ARV1: variants seen among roughly 807,000 people sequenced by gnomAD.
ARV1 encodes protein ARV1.
A neutral mutation model predicts 31.1 loss-of-function variants in ARV1; 26 were observed. The ratio of observed to expected loss-of-function variants is 0.84; its 90% CI spans 0.61 to 1.16. ARV1 has a LOEUF of 1.16. Among genes scored for constraint, ARV1 ranks in the 50% most tolerant of loss-of-function variants. The pLI is 0.00. For synonymous variants in ARV1, 117 were observed against 123.2 expected (o/e 0.95, Z 0.34); for missense variants, 281 against 324.9 (o/e 0.86, Z 1.04).
At chr1:230,982,812 A>T (rs529659305) in intron 1 of ARV1, among the ~76,000 whole-genome samples, 2 of 152,336 alleles carry the variant, frequency 1.3e-5, no homozygotes, top group African/African-American at 4.8e-5. Context: ...AGATACAAAA[A>T]GTAAGAAGTT....
At position 230,997,242 on chromosome 1, in the gene ARV1, C is replaced by T. The variant is rs750923502; in HGVS notation, c.795C>T (p.Ile265=). The change falls in exon 5 of 6, where the codon ATC becomes ATT. Residue 265 remains isoleucine, a synonymous_variant. Transcript: ENST00000310256. ...GGGATGTTGGAAGTGATTATGCCAT[C>T]TTTAAATCTCAGGACTTCTGAAGAG... ...MEWDVGSDYA[I]FKSQDF is the part of the protein sequence containing the mutation. 15 of 1,614,016 alleles carry T rather than the reference C, an allele frequency of 9.3e-6. No homozygotes were observed. Among genetic ancestry groups the T allele is most frequent in the Non-Finnish European group, 1.3e-5 (15 of 1,179,924 alleles).
rs1191353620 is a variant in ARV1, at chr1:230,984,363, C to CGCGCGTGCGT, written c.175-3956_175-3955insCGCGTGCGTG. Among the ~76,000 whole-genome samples the CGCGCGTGCGT allele has an allele frequency of 3.3e-3, 422 of 129,834 alleles. 4 individuals are homozygous for CGCGCGTGCGT. The highest frequency in any genetic ancestry group is 0.011 in the African/African-American group (388 of 35,174). The allele number at this position is 129,834 out of a possible 152,430, so 85.2% of individuals were successfully genotyped here. A position where few individuals can be genotyped will look rare whatever the true frequency, so the allele number is the denominator to read the frequency against. On this transcript the variant is annotated intron_variant, in intron 1 of 5. Coordinates refer to ENST00000310256, the MANE Select transcript of ARV1 (RefSeq NM_022786.3). Reference sequence around the variant, plus strand: ...TGTTTCGTGTGTGTGTGTGTGTGTGCGTGTGTGTGTGTGTGTGTGTGTGTG... The same window carrying CGCGCGTGCGT: ...TGTTTCGTGTGTGTGTGTGTGTGTGCGCGCGTGCGTGTGTGTGTGTGTGTGTGTGTGTGTG...
At chr1:230,986,947 A>G (rs988018615) in intron 1 of ARV1, among the ~76,000 whole-genome samples, 5 of 152,134 alleles carry the variant, frequency 3.3e-5, no homozygotes, top group African/African-American at 1.2e-4. Context: ...CACAGGTAGA[A>G]GATTCATTCT....
At chr1:230,993,754 G>A (rs528886845) in intron 3 of ARV1, among the ~76,000 whole-genome samples, 1 of 152,212 alleles carries the variant, frequency 6.6e-6, no homozygotes, top group South Asian at 2.1e-4. Flanking sequence ...AATTAGCTGG[G>A]CATGGTGGCA....
intron 1 of ARV1, among the ~76,000 whole-genome samples, chr1:230,987,674 A>T (rs1224022218): frequency 6.6e-6 from 1 of 152,168 alleles, no homozygotes; most frequent in Non-Finnish European, 1.5e-5. Context: ...CACTCTCCAG[A>T]CTGTACAGAC....
At chr1:230,984,125 C>A (rs1678983734) in intron 1 of ARV1, among the ~76,000 whole-genome samples, 1 of 152,128 alleles carries the variant, frequency 6.6e-6, no homozygotes, top group East Asian at 1.9e-4. Flanking sequence ...TGGCACGCGC[C>A]TGTAGCCCCA....
At chr1:230,996,023 C>T (rs1400936525) in intron 4 of ARV1, 39 bp downstream of exon 4, 1 of 1,554,504 alleles carries the variant, frequency 6.4e-7, no homozygotes, top group Admixed American at 1.8e-5. Flanking sequence ...CAGTTTTCAA[C>T]CCATAAAAAG....
chr1:230,999,115 G>C (rs188312048), intron 5 of ARV1, among the ~76,000 whole-genome samples: 1 of 152,032 alleles, frequency 6.6e-6, no homozygotes, highest in African/African-American at 2.4e-5. Flanking sequence ...CACTGTGCAC[G>C]TAACTGTGTA....
intron 1 of ARV1, among the ~76,000 whole-genome samples, chr1:230,982,663 T>C (rs970642014): frequency 1.3e-5 from 2 of 152,248 alleles, no homozygotes; most frequent in Admixed American, 6.5e-5. Flanking sequence ...GAGTGTCTAA[T>C]GGCCTTGTCG....
rs1429820793 is a variant in ARV1, at chr1:230,997,120, G to C, written c.674-1G>C. On this transcript the variant is annotated splice_acceptor_variant, in intron 4 of 5. Coordinates refer to ENST00000310256, the MANE Select transcript of ARV1 (RefSeq NM_022786.3). LOFTEE classifies it high-confidence loss of function. ...CTTATTGGCTGCCTTCTCCTTTCCA[G>C]TGACCCTAAACATCAACCGTAAGCT... 1 of 1,613,184 alleles carries C rather than the reference G, an allele frequency of 6.2e-7. No homozygotes were observed. Among genetic ancestry groups the C allele is most frequent in the Non-Finnish European group, 8.5e-7 (1 of 1,179,724 alleles).
chr1:230,985,644 G>A (rs923656496), intron 1 of ARV1, among the ~76,000 whole-genome samples: 5 of 152,116 alleles, frequency 3.3e-5, no homozygotes, highest in African/African-American at 1.2e-4. Flanking sequence ...GTCCAAAAAC[G>A]GGTTTTAGAG....
At chr1:230,986,279 C>T (rs986319345) in intron 1 of ARV1, among the ~76,000 whole-genome samples, 3 of 151,958 alleles carry the variant, frequency 2.0e-5, no homozygotes, top group South Asian at 4.1e-4. Flanking sequence ...TTGGATCACT[C>T]GGTAACTGGA....
chr1:230,990,859 CTG>C (rs749186818), intron 3 of ARV1, among the ~76,000 whole-genome samples: 3 of 152,184 alleles, frequency 2.0e-5, no homozygotes, highest in Non-Finnish European at 4.4e-5. Context: ...GTGTGAGCCA[CTG>C]TGCCTGGCCA....
chr1:230,993,034 G>T (rs1208349440), intron 3 of ARV1, among the ~76,000 whole-genome samples: 3 of 152,118 alleles, frequency 2.0e-5, no homozygotes, highest in Non-Finnish European at 4.4e-5. Context: ...TCTAGCCCAA[G>T]AACTAGAACC....
intron 4 of ARV1, 57 bp downstream of exon 4, chr1:230,996,041 C>G (rs1679356401): frequency 2.0e-6 from 3 of 1,478,584 alleles, no homozygotes; most frequent in East Asian, 4.5e-5. Flanking sequence ...AAGCTTAAAG[C>G]CTTGTTTCTG....
At chr1:230,982,103 C>G (rs888614732) in intron 1 of ARV1, among the ~76,000 whole-genome samples, 1 of 152,236 alleles carries the variant, frequency 6.6e-6, no homozygotes, top group African/African-American at 2.4e-5. Flanking sequence ...CAGACATTCT[C>G]TCTGTTTTAT....
At chr1:230,980,602 G>T (rs1678863182) in intron 1 of ARV1, among the ~76,000 whole-genome samples, 1 of 152,070 alleles carries the variant, frequency 6.6e-6, no homozygotes, top group African/African-American at 2.4e-5. Flanking sequence ...CCAAAGTGCT[G>T]GGGTTACAGG....
chr1:230,995,855 G>T lies in ARV1; in HGVS notation c.544G>T (p.Ala182Ser), dbSNP rs757948594. 11 of 1,613,956 alleles carry T rather than the reference G, an allele frequency of 6.8e-6. No individual in the cohort carries two copies. Among genetic ancestry groups the T allele is most frequent in the Admixed American group, 1.7e-5 (1 of 60,002 alleles). The change falls in exon 4 of 6, where the codon GCA becomes TCA. Residue 182 changes from alanine to serine, a missense_variant. Transcript: ENST00000310256. ...KKPNFILLLKALLLSSYGKLL... is the reference protein window; with the variant it reads ...KKPNFILLLKSLLLSSYGKLL... The stretch of plus-strand genomic sequence containing the variant: ...GCCCAACTTCATTTTGCTGCTGAAA[G>T]CATTATTATTATCTAGCTACGGAAA...
intron 1 of ARV1, among the ~76,000 whole-genome samples, chr1:230,981,966 C>T (rs936621985): frequency 6.6e-6 from 1 of 152,178 alleles, no homozygotes; most frequent in African/African-American, 2.4e-5. Context: ...CTCTGACTAC[C>T]CTATTGAAAA....
Sources: allele counts gnomAD v4.1 joint callset (sites outside exome capture counted in the v4.1 genomes callset), GRCh38; gene constraint gnomAD v4.1.1; transcripts MANE v1.5; gene names NCBI Gene and HGNC (gene_info 2026-07-23, HGNC 2026-07-21).